ZNF589: variants seen among roughly 807,000 people sequenced by gnomAD.
ZNF589 encodes the protein KRAB-zinc finger protein SZF1-1.
A neutral mutation model predicts 13.6 loss-of-function variants in ZNF589; 17 were observed. The observed-to-expected ratio is 1.25, with a 90% CI of 0.86 to 1.88. ZNF589 has a LOEUF of 1.88. Ranked by LOEUF, ZNF589 falls within the 40% of genes most tolerant of loss-of-function variation. ZNF589 has a pLI of 0.00. For missense variants in ZNF589, 407 were observed against 434.0 expected (o/e 0.94, Z 0.55); for synonymous variants, 148 against 161.6 (o/e 0.92, Z 0.64).
intron 2 of ZNF589, among the ~76,000 whole-genome samples, chr3:48,257,365 T>A (rs1262653068): frequency 6.6e-6 from 1 of 152,170 alleles, no homozygotes; most frequent in East Asian, 1.9e-4. Context: ...GTTCAAGCGA[T>A]TCTCCTGCCT....
intron 3 of ZNF589, among the ~76,000 whole-genome samples, chr3:48,264,244 G>A (rs959826593): frequency 2.2e-4 from 34 of 152,006 alleles, no homozygotes; most frequent in Non-Finnish European, 5.9e-5. Context: ...GTAGAATAAA[G>A]AAGGAAGAGG....
intron 3 of ZNF589, among the ~76,000 whole-genome samples, chr3:48,263,443 A>G (rs929925675): frequency 7.9e-5 from 12 of 152,194 alleles, no homozygotes; most frequent in Admixed American, 6.5e-4. Context: ...AGGGCATTAC[A>G]TTATTAAAAC....
intron 3 of ZNF589, among the ~76,000 whole-genome samples, chr3:48,263,371 A>G (rs923983830): frequency 3.3e-5 from 5 of 152,196 alleles, no homozygotes; most frequent in Non-Finnish European, 5.9e-5. Context: ...CCGCCTCCCA[A>G]AGTGTTGGGA....
intron 2 of ZNF589, chr3:48,256,433 AG>A: frequency 3.6e-6 from 2 of 556,068 alleles, no homozygotes. Flanking sequence ...GCCCTGTTCC[AG>A]GGGAGGCCTT....
At chr3:48,247,296 A>C (rs902275930) in intron 1 of ZNF589, among the ~76,000 whole-genome samples, 4 of 151,854 alleles carry the variant, frequency 2.6e-5, no homozygotes, top group African/African-American at 7.3e-5. Context: ...TTAAAAAAAA[A>C]CATGTAACTA....
chr3:48,241,665 G>A (rs935978985), intron 1 of ZNF589, among the ~76,000 whole-genome samples: 1 of 152,064 alleles, frequency 6.6e-6, no homozygotes, highest in Non-Finnish European at 1.5e-5. Context: ...CGAGCAGCTG[G>A]GATTACAGGC....
chr3:48,256,624 T>C (rs2033905737), intron 2 of ZNF589: 1 of 884,846 alleles, frequency 1.1e-6, no homozygotes, highest in Non-Finnish European at 1.9e-6. Context: ...GTCATAGGCC[T>C]GTGATCTTTC....
chr3:48,258,065 T>A (rs2033929117), intron 2 of ZNF589: 1 of 305,440 alleles, frequency 3.3e-6, no homozygotes, highest in Non-Finnish European at 6.3e-6. Flanking sequence ...CAAAAAAATC[T>A]GGTTGGGATT....
chr3:48,263,428 C>T (rs1038193877), intron 3 of ZNF589, among the ~76,000 whole-genome samples: 3 of 151,838 alleles, frequency 2.0e-5, no homozygotes, highest in East Asian at 2.0e-4. Flanking sequence ...TTTTATGTTT[C>T]GGATAGGGCA....
intron 2 of ZNF589, among the ~76,000 whole-genome samples, chr3:48,258,843 T>C (rs777040888): frequency 1.1e-4 from 16 of 152,186 alleles, no homozygotes; most frequent in Non-Finnish European, 2.4e-4. Flanking sequence ...ATTGGGCTCC[T>C]ACTACATCCA....
chr3:48,262,013 T>G (rs1051204545), intron 3 of ZNF589, among the ~76,000 whole-genome samples: 1 of 152,226 alleles, frequency 6.6e-6, no homozygotes, highest in African/African-American at 2.4e-5. Flanking sequence ...ACCCTGAAAC[T>G]TTGGATCTCA....
chr3:48,244,307 TTTC>T (rs202196298), intron 1 of ZNF589, among the ~76,000 whole-genome samples: 1,671 of 152,290 alleles, frequency 0.011, 32 homozygotes, highest in African/African-American at 0.038. Flanking sequence ...GTACTCAGTT[TTTC>T]TTCTTCTAAA....
chr3:48,252,418 C>G (rs2033848956), intron 2 of ZNF589, among the ~76,000 whole-genome samples: 1 of 151,638 alleles, frequency 6.6e-6, no homozygotes, highest in Non-Finnish European at 1.5e-5. Flanking sequence ...GTCTCGATCT[C>G]CTGACCTTGT....
At chr3:48,243,959 C>G (rs186822189) in intron 1 of ZNF589, among the ~76,000 whole-genome samples, 2 of 152,166 alleles carry the variant, frequency 1.3e-5, no homozygotes, top group African/African-American at 4.8e-5. Context: ...GGAGGCACAT[C>G]GTGAGGTCCT....
intron 3 of ZNF589, among the ~76,000 whole-genome samples, chr3:48,264,574 A>G (rs1267439284): frequency 6.6e-6 from 1 of 151,904 alleles, no homozygotes; most frequent in Admixed American, 6.6e-5. Context: ...CACACCTGTA[A>G]TCCTTGCTCT....
chr3:48,252,053 A>C (rs1324563254), intron 2 of ZNF589, among the ~76,000 whole-genome samples: 1 of 151,488 alleles, frequency 6.6e-6, no homozygotes, highest in Non-Finnish European at 1.5e-5. Context: ...AAAAAGAAAA[A>C]TCAATTGTGG....
At chr3:48,244,907 C>T (rs1007395426) in intron 1 of ZNF589, among the ~76,000 whole-genome samples, 7 of 151,942 alleles carry the variant, frequency 4.6e-5, no homozygotes, top group East Asian at 1.9e-4. Flanking sequence ...CTCCGCCTCC[C>T]GGGTTCAAGT....
Position 48,270,098 on chromosome 3 carries a change from C to A in ZNF589, c.*1312C>A. ...GACTACTTCCTTCTGCAACTGTGTT[C>A]TTCCATTAGCTTCCATGACACTCTC... On this transcript the variant is annotated 3_prime_UTR_variant, in exon 4 of 4. Coordinates refer to ENST00000354698, the MANE Select transcript of ZNF589 (RefSeq NM_016089.3). The A allele has an allele frequency of 2.2e-6, 1 of 457,088 alleles. No individual in the cohort carries two copies. Among genetic ancestry groups the A allele is most frequent in the Non-Finnish European group, 4.4e-6 (1 of 227,052 alleles). The allele number at this position is 457,088 out of a possible 1,614,324, so 28.3% of individuals were successfully genotyped here.
Position 48,269,109 on chromosome 3 carries a change from C to CACT in ZNF589, c.*323_*324insACT. ...ACACACACGGGAGAGAAGCCTTACACGTGCTTTGAGTGTGGGCGAAACTTT... is the reference window on the plus strand; with the variant it reads ...ACACACACGGGAGAGAAGCCTTACACACTGTGCTTTGAGTGTGGGCGAAACTTT... On this transcript the variant is annotated 3_prime_UTR_variant, in exon 4 of 4. Coordinates refer to ENST00000354698, the MANE Select transcript of ZNF589 (RefSeq NM_016089.3). The CACT allele has an allele frequency of 1.6e-6, 1 of 626,220 alleles. No individual in the cohort carries two copies. Among genetic ancestry groups the CACT allele is most frequent in the Non-Finnish European group, 2.8e-6 (1 of 361,976 alleles). The allele number at this position is 626,220 out of a possible 1,614,324, so 38.8% of individuals were successfully genotyped here.
Sources: allele counts gnomAD v4.1 joint callset (sites outside exome capture counted in the v4.1 genomes callset), GRCh38; gene constraint gnomAD v4.1.1; transcripts MANE v1.5; gene names NCBI Gene and HGNC (gene_info 2026-07-23, HGNC 2026-07-21).